Variants in ZNF385D observed in about 807,000 individuals in gnomAD.
ZNF385D encodes the protein zinc finger protein 385D, also known as zinc finger protein 659.
ZNF385D carries 15 observed loss-of-function variants against 35.8 expected under a neutral mutation model. The observed-to-expected ratio is 0.42, with a 90% CI of 0.28 to 0.64. The LOEUF (loss-of-function observed/expected upper bound fraction) is 0.64, where lower values mean the gene tolerates loss of function less well. Ranked by LOEUF, ZNF385D falls within the 30% of genes least tolerant of loss-of-function variation. ZNF385D has a pLI of 0.23. For synonymous variants in ZNF385D, 212 were observed against 186.8 expected (o/e 1.13, Z -1.10); for missense variants, 474 against 494.6 (o/e 0.96, Z 0.39).
Position 21,997,963 on chromosome 3 carries a change from C to CTTGTT in ZNF385D, c.325+170849_325+170853dup, listed in dbSNP as rs1281053246. ...AAATTGAGATAGAAGATCAGTAAGACTTGTTTTGATAACCCTGCAGATCAA... is the reference window on the plus strand; with the variant it reads ...AAATTGAGATAGAAGATCAGTAAGACTTGTTTTGTTTTGATAACCCTGCAGATCAA... On this transcript the variant is annotated intron_variant, in intron 3 of 5. Coordinates refer to the ZNF385D transcript ENST00000494108. 2.1e-4 allele frequency among the ~76,000 whole-genome samples: 32 copies of CTTGTT among 150,908 alleles called. No individual in the cohort carries two copies. In the Admixed American group the frequency reaches 2.1e-3, roughly 10 times the overall value.
intron 3 of ZNF385D, among the ~76,000 whole-genome samples, chr3:21,947,973 T>C (rs1701878103): frequency 6.6e-6 from 1 of 152,204 alleles, no homozygotes; most frequent in Non-Finnish European, 1.5e-5. Flanking sequence ...TTTGTTCTGA[T>C]GCCACTTGAA....
intron 2 of ZNF385D, among the ~76,000 whole-genome samples, chr3:22,208,689 C>A (rs1697317276): frequency 1.3e-5 from 2 of 148,940 alleles, no homozygotes; most frequent in African/African-American, 5.0e-5. Flanking sequence ...ATATACACAC[C>A]TATTATGTAC....
At chr3:21,982,682 C>G (rs1694543995) in intron 3 of ZNF385D, among the ~76,000 whole-genome samples, 1 of 152,086 alleles carries the variant, frequency 6.6e-6, no homozygotes, top group Non-Finnish European at 1.5e-5. Context: ...GGGAATACTG[C>G]TAGCTTTTGC....
chr3:21,742,930 G>A (rs1398599063), intron 1 of ZNF385D, among the ~76,000 whole-genome samples: 3 of 152,190 alleles, frequency 2.0e-5, no homozygotes, highest in African/African-American at 7.2e-5. Context: ...ATGAGTTGGA[G>A]AAAAAGAAAT....
intron 3 of ZNF385D, among the ~76,000 whole-genome samples, chr3:21,826,297 C>T (rs1172857438): frequency 1.3e-5 from 2 of 152,148 alleles, no homozygotes; most frequent in African/African-American, 4.8e-5. Flanking sequence ...TTACCGCAAT[C>T]CCCAACCTGA....
intron 3 of ZNF385D, among the ~76,000 whole-genome samples, chr3:21,915,295 A>C (rs955696056): frequency 1.3e-5 from 2 of 152,036 alleles, no homozygotes; most frequent in Admixed American, 1.3e-4. Flanking sequence ...ATTTCCCCAA[A>C]AGCACCTTGG....
intron 3 of ZNF385D, among the ~76,000 whole-genome samples, chr3:21,899,364 C>T (rs770472708): frequency 1.2e-4 from 18 of 152,170 alleles, no homozygotes; most frequent in South Asian, 2.1e-4. Context: ...TTTCTCCCAC[C>T]GGGGAAAAGA....
At chr3:22,159,418 C>T (rs1461616723) in intron 3 of ZNF385D, among the ~76,000 whole-genome samples, 1 of 151,866 alleles carries the variant, frequency 6.6e-6, no homozygotes, top group African/African-American at 2.4e-5. Flanking sequence ...GACAGAGTAA[C>T]CTATTGGATG....
chr3:21,656,121 T>C (rs2125234408), intron 2 of ZNF385D, among the ~76,000 whole-genome samples: 1 of 152,112 alleles, frequency 6.6e-6, no homozygotes, highest in South Asian at 2.1e-4. Flanking sequence ...ATATAGAGTC[T>C]CTCACCCCAC....
intron 2 of ZNF385D, among the ~76,000 whole-genome samples, chr3:21,632,144 G>A (rs980598824): frequency 7.9e-5 from 12 of 152,072 alleles, no homozygotes; most frequent in Non-Finnish European, 1.8e-4. Flanking sequence ...TAGTGGGAAA[G>A]AAAGTTAATT....
chr3:21,541,042 G>GT (rs1342701585), intron 3 of ZNF385D, among the ~76,000 whole-genome samples: 1 of 152,172 alleles, frequency 6.6e-6, no homozygotes, highest in Non-Finnish European at 1.5e-5. Context: ...AGTGTTGGGT[G>GT]TAAGTACAGT....
intron 3 of ZNF385D, among the ~76,000 whole-genome samples, chr3:22,161,612 A>G (rs796482812): frequency 1.3e-5 from 2 of 152,110 alleles, no homozygotes; most frequent in South Asian, 4.1e-4. Flanking sequence ...CCACTTCTTT[A>G]TTCACATCTT....
intron 2 of ZNF385D, among the ~76,000 whole-genome samples, chr3:22,250,335 A>G (rs553845785): frequency 4.6e-5 from 7 of 151,504 alleles, no homozygotes; most frequent in African/African-American, 1.7e-4. Context: ...CAGATTTATC[A>G]ATTTAGATTT....
chr3:21,691,797 C>T (rs996363873), intron 1 of ZNF385D, among the ~76,000 whole-genome samples: 1 of 152,184 alleles, frequency 6.6e-6, no homozygotes, highest in Admixed American at 6.5e-5. Flanking sequence ...TACACTCATA[C>T]TGCCATGCAG....
At chr3:22,323,926 T>C (rs996133203) in intron 2 of ZNF385D, among the ~76,000 whole-genome samples, 2 of 152,194 alleles carry the variant, frequency 1.3e-5, no homozygotes, top group African/African-American at 2.4e-5. Context: ...GCTTTGCCTT[T>C]AACTAATATA....
chr3:21,920,548 G>A (rs1184779482), intron 3 of ZNF385D, among the ~76,000 whole-genome samples: 1 of 149,306 alleles, frequency 6.7e-6, no homozygotes, highest in African/African-American at 2.5e-5. Context: ...GCTTAAGCAA[G>A]CCCTGAAAGT....
rs548690560 is a variant in ZNF385D, at chr3:21,420,421, T to C, written c.*793A>G. ...AAACACTTCCCTGTTTCCAGCAATA[T>C]ATCTTCAGGGTGGGAAGTTACTACT... On this transcript the variant is annotated 3_prime_UTR_variant, in exon 8 of 8. Transcript: ENST00000281523. The C allele has an allele frequency of 2.4e-4, 36 of 152,344 alleles. No individual in the cohort carries two copies. The highest frequency in any genetic ancestry group is 7.7e-4 in the African/African-American group (32 of 41,592). The allele number at this position is 152,344 out of a possible 1,614,324, so 9.4% of individuals were successfully genotyped here.
At chr3:21,991,839 G>A (rs978358833) in intron 3 of ZNF385D, among the ~76,000 whole-genome samples, 23 of 152,204 alleles carry the variant, frequency 1.5e-4, no homozygotes, top group African/African-American at 5.1e-4. Flanking sequence ...GTGGTAAGAA[G>A]TAGAATTTCA....
chr3:21,627,671 C>T (rs2065173492), intron 2 of ZNF385D, among the ~76,000 whole-genome samples: 1 of 152,070 alleles, frequency 6.6e-6, no homozygotes, highest in Non-Finnish European at 1.5e-5. Context: ...AAACAGTTGC[C>T]TTAGGCAATG....
Sources: allele counts gnomAD v4.1 joint callset (sites outside exome capture counted in the v4.1 genomes callset), GRCh38; gene constraint gnomAD v4.1.1; transcripts MANE v1.5; gene names NCBI Gene and HGNC (gene_info 2026-07-23, HGNC 2026-07-21).